Variants in ZNF385D observed in about 807,000 individuals in gnomAD.
The protein encoded by ZNF385D is zinc finger protein 659.
Under a neutral mutation model 35.8 loss-of-function variants are expected in ZNF385D, and 15 were observed. The observed-to-expected ratio is 0.42, with a 90% confidence interval of 0.28 to 0.64. The LOEUF (loss-of-function observed/expected upper bound fraction) is 0.64, where lower values mean the gene tolerates loss of function less well. ZNF385D is among the 30% of genes least tolerant of loss of function. ZNF385D has a pLI of 0.23. For synonymous variants in ZNF385D, 212 were observed against 186.8 expected (o/e 1.13, Z -1.10); for missense variants, 474 against 494.6 (o/e 0.96, Z 0.39).
chr3:21,765,174 G>A (rs9834161), intron 3 of ZNF385D, among the ~76,000 whole-genome samples: 10 of 152,004 alleles, frequency 6.6e-5, no homozygotes, highest in South Asian at 4.2e-4. Flanking sequence ...AAAAGGATAC[G>A]CATGTATAAT....
chr3:21,559,624 G>C (rs1026107902), intron 3 of ZNF385D, among the ~76,000 whole-genome samples: 1 of 152,094 alleles, frequency 6.6e-6, no homozygotes, highest in African/African-American at 2.4e-5. Context: ...TAGTGAATCT[G>C]ATGATTATGT....
intron 4 of ZNF385D, among the ~76,000 whole-genome samples, chr3:21,454,632 C>T (rs1702673483): frequency 2.6e-5 from 4 of 152,124 alleles, no homozygotes; most frequent in Admixed American, 2.0e-4. Flanking sequence ...CAGCCAATAT[C>T]ATACTGAATG....
rs555957953 is a variant in ZNF385D, at chr3:22,315,152, T to A, written c.106+57298A>T. On this transcript the variant is annotated intron_variant, in intron 2 of 5. Coordinates refer to the ZNF385D transcript ENST00000494108. ...CAGAGACAAAGGAAAGGAGAAAAAA[T>A]GAAGCAGGACTTCTGCAAAAGAAGA... is the stretch of plus-strand genomic sequence containing the variant. Among the ~76,000 whole-genome samples, 73 of 152,000 alleles carry A rather than the reference T, an allele frequency of 4.8e-4. No homozygotes were observed. In the Middle Eastern group the frequency reaches 0.01, roughly 21 times the overall value.
In ZNF385D at chr3:21,718,873, CT is replaced by C. The variant is rs1321566486; in HGVS notation, c.22+32021del. Among the ~76,000 whole-genome samples the C allele has an allele frequency of 3.3e-5, 5 of 152,116 alleles. No homozygotes were observed. In the South Asian group the frequency reaches 8.3e-4, roughly 25 times the overall value. ...TTATTTGTCTCCAAATCAATTTTTA[CT>C]TTTTTCTTCACTTAAAACTGTATTT... On this transcript the variant is annotated intron_variant, in intron 1 of 7. Coordinates refer to ENST00000281523, the MANE Select transcript of ZNF385D (RefSeq NM_024697.3).
intron 3 of ZNF385D, among the ~76,000 whole-genome samples, chr3:22,124,272 T>C (rs1432000800): frequency 1.3e-5 from 2 of 152,144 alleles, no homozygotes; most frequent in African/African-American, 2.4e-5. Flanking sequence ...TTCTTTGTAA[T>C]GGCTGAATAG....
chr3:21,790,601 T>C (rs568673314), intron 3 of ZNF385D, among the ~76,000 whole-genome samples: 20 of 152,280 alleles, frequency 1.3e-4, no homozygotes, highest in African/African-American at 4.6e-4. Context: ...AGAATGCAGC[T>C]TTTTTGGAAG....
chr3:22,031,627 T>G (rs1052801466), intron 3 of ZNF385D, among the ~76,000 whole-genome samples: 1 of 152,192 alleles, frequency 6.6e-6, no homozygotes, highest in African/African-American at 2.4e-5. Flanking sequence ...CCTCCTATGA[T>G]GGGCCTATGA....
chr3:22,220,529 ATCTC>A (rs754833406), intron 2 of ZNF385D, among the ~76,000 whole-genome samples: 2 of 152,150 alleles, frequency 1.3e-5, no homozygotes, highest in Non-Finnish European at 2.9e-5. Context: ...GATCATCTGA[ATCTC>A]TCTGATTTTC....
intron 2 of ZNF385D, among the ~76,000 whole-genome samples, chr3:22,313,060 T>C (rs546925785): frequency 1.3e-5 from 2 of 152,150 alleles, no homozygotes; most frequent in African/African-American, 4.8e-5. Context: ...CATGGAATAC[T>C]ATGCAGCCAT....
chr3:21,544,939 T>C (rs190640267), intron 3 of ZNF385D, among the ~76,000 whole-genome samples: 2 of 152,274 alleles, frequency 1.3e-5, no homozygotes, highest in East Asian at 3.9e-4. Context: ...GCAAACAGGA[T>C]TATTTGACGT....
chr3:21,981,825 T>C (rs1480961921), intron 3 of ZNF385D, among the ~76,000 whole-genome samples: 2 of 152,186 alleles, frequency 1.3e-5, no homozygotes, highest in African/African-American at 4.8e-5. Flanking sequence ...AAGAAGTCTT[T>C]TCACCATTAC....
intron 1 of ZNF385D, among the ~76,000 whole-genome samples, chr3:21,749,364 T>C (rs2125550551): frequency 6.6e-6 from 1 of 152,286 alleles, no homozygotes; most frequent in South Asian, 2.1e-4. Flanking sequence ...GCTATTCTAA[T>C]TGGCCCTACT....
intron 2 of ZNF385D, among the ~76,000 whole-genome samples, chr3:22,274,522 A>G (rs1379778165): frequency 6.6e-6 from 1 of 152,034 alleles, no homozygotes; most frequent in Non-Finnish European, 1.5e-5. Context: ...TATGATTTTT[A>G]ATGGCTCATG....
intron 1 of ZNF385D, among the ~76,000 whole-genome samples, chr3:21,750,321 G>A (rs1351738222): frequency 1.3e-5 from 2 of 152,188 alleles, no homozygotes; most frequent in African/African-American, 2.4e-5. Flanking sequence ...TGACATCTCC[G>A]AGACCTCTAA....
intron 3 of ZNF385D, among the ~76,000 whole-genome samples, chr3:21,886,622 G>C (rs1375838968): frequency 1.3e-5 from 2 of 152,036 alleles, no homozygotes; most frequent in African/African-American, 4.8e-5. Flanking sequence ...ATCTTAAAAT[G>C]CTACATTGTC....
At chr3:21,579,632 G>A (rs923970196) in intron 2 of ZNF385D, 2 of 152,052 alleles carry the variant, frequency 1.3e-5, no homozygotes, top group Non-Finnish European at 2.9e-5. Flanking sequence ...TTCTAGGACA[G>A]TTATAACAAA....
chr3:21,863,992 C>T (rs546271599), intron 3 of ZNF385D, among the ~76,000 whole-genome samples: 1 of 152,240 alleles, frequency 6.6e-6, no homozygotes, highest in African/African-American at 2.4e-5. Flanking sequence ...TCAGATGATA[C>T]TCATGATGCC....
intron 3 of ZNF385D, among the ~76,000 whole-genome samples, chr3:21,872,889 T>C (rs994265503): frequency 6.6e-6 from 1 of 152,162 alleles, no homozygotes; most frequent in East Asian, 1.9e-4. Context: ...ATAAAAGAGG[T>C]GCCACAAAAA....
intron 3 of ZNF385D, among the ~76,000 whole-genome samples, chr3:21,968,154 A>G (rs996103557): frequency 1.3e-5 from 2 of 152,160 alleles, no homozygotes; most frequent in Non-Finnish European, 2.9e-5. Flanking sequence ...AGTGCTGCCC[A>G]GTCACAGCGG....
Sources: gnomAD v4.1 joint callset for allele counts (sites outside exome capture counted in the v4.1 genomes callset) on GRCh38, gnomAD v4.1.1 for gene constraint, MANE v1.5 for transcripts, NCBI Gene and HGNC (gene_info 2026-07-23, HGNC 2026-07-21) for gene names.